The following SATL1 variants were observed in gnomAD, a reference collection of about 807,000 sequenced individuals.
SATL1 encodes the protein spermidine/spermine N(1)-acetyltransferase-like protein 1.
SATL1 carries 47 observed loss-of-function variants against 51.8 expected under a neutral mutation model. The ratio of observed to expected loss-of-function variants is 0.91; its 90% confidence interval spans 0.72 to 1.16. SATL1 has a LOEUF of 1.16. Among genes scored for constraint, SATL1 ranks in the 50% most tolerant of loss-of-function variants. SATL1 has a pLI of 0.00. For missense variants in SATL1, 520 were observed against 526.4 expected, an observed-to-expected ratio of 0.99 and a Z score of 0.12; for synonymous variants, 176 against 182.4, an observed-to-expected ratio of 0.97 and a Z score of 0.28.
intron 4 of SATL1, among the ~76,000 whole-genome samples, chrX:85,101,241 A>G (rs182926615): frequency 8.9e-6 from 1 of 112,473 alleles, no homozygotes; most frequent in East Asian, 2.8e-4. Flanking sequence ...GGCAATATCA[A>G]GAGTAAAAAG....
chrX:85,140,052 A>G (rs955691720), intron 2 of SATL1, among the ~76,000 whole-genome samples: 2 of 111,503 alleles, frequency 1.8e-5, no homozygotes, highest in African/African-American at 6.5e-5. Context: ...TTGAACTGAA[A>G]TCCAAACTAT....
At chrX:85,095,877 C>T (rs1924706728) in intron 4 of SATL1, among the ~76,000 whole-genome samples, 1 of 91,784 alleles carries the variant, frequency 1.1e-5, no homozygotes, top group Admixed American at 1.2e-4. Context: ...CCTGAGAACA[C>T]ATTAAGCTTT....
intron 2 of SATL1, among the ~76,000 whole-genome samples, chrX:85,172,508 C>T (rs1420221030): frequency 9.0e-6 from 1 of 110,658 alleles, no homozygotes; most frequent in South Asian, 3.8e-4. Context: ...GAATACTAGA[C>T]CAGAGGCAAA....
At chrX:85,178,563 T>G (rs2147738475) in intron 2 of SATL1, among the ~76,000 whole-genome samples, 1 of 107,795 alleles carries the variant, frequency 9.3e-6, no homozygotes, top group South Asian at 4.2e-4. Context: ...GTCAAAAGTT[T>G]TTGAAGGTCT....
chrX:85,151,223 C>A (rs965141367), intron 2 of SATL1, among the ~76,000 whole-genome samples: 5 of 110,063 alleles, frequency 4.5e-5, no homozygotes, highest in South Asian at 4.0e-4. Flanking sequence ...ACAATTGCTT[C>A]AAAGAGAATA....
chrX:85,109,624 C>A (rs1444314896), intron 2 of SATL1, among the ~76,000 whole-genome samples: 1 of 111,461 alleles, frequency 9.0e-6, no homozygotes, highest in Non-Finnish European at 1.9e-5. Context: ...AATTCAATTC[C>A]TATTTCCGTC....
At chrX:85,175,027 A>G (rs1359261431) in intron 2 of SATL1, among the ~76,000 whole-genome samples, 1 of 111,736 alleles carries the variant, frequency 8.9e-6, no homozygotes, top group Non-Finnish European at 1.9e-5. Flanking sequence ...ATAATTATCT[A>G]GTGTTGTGAC....
rs1161475320 is a variant in SATL1, at chrX:85,107,522, C to T, written c.1447G>A (p.Glu483Lys). The T allele has an allele frequency of 5.8e-6, 7 of 1,211,165 alleles. No homozygotes were observed. Among genetic ancestry groups the T allele is most frequent in the Admixed American group, 2.2e-5 (1 of 46,043 alleles). The stretch of plus-strand genomic sequence containing the variant: ...AGGCCTGGCTGACTCGGCCCCGGTT[C>T]CCATATGCCTGGTTGGCCCCTGCCT... ...HPGRGQPGIW[E>K]PGPSQPGLSQ... is the part of the protein sequence containing the mutation. The change falls in exon 3 of 8, where the codon GAA becomes AAA. Residue 483 changes from glutamate to lysine, a missense_variant. By Grantham distance (56) the Glu-to-Lys change is moderately conservative. This residue lies in a region of SATL1 where 488 missense variants were observed against 474.3 expected (regional missense o/e 1.03). Transcript: ENST00000644105.
At chrX:85,180,084 A>G (rs1927168715) in intron 2 of SATL1, among the ~76,000 whole-genome samples, 2 of 111,094 alleles carry the variant, frequency 1.8e-5, no homozygotes, top group South Asian at 7.5e-4. Flanking sequence ...ACAGATAAGA[A>G]ACTATAAAAC....
chrX:85,174,142 A>G (rs1482575394), intron 2 of SATL1, among the ~76,000 whole-genome samples: 2 of 109,685 alleles, frequency 1.8e-5, no homozygotes, highest in Non-Finnish European at 3.8e-5. Flanking sequence ...CATGGTGTAT[A>G]TGTGCCACAT....
At chrX:85,176,267 G>A (rs1445592205) in intron 2 of SATL1, among the ~76,000 whole-genome samples, 1 of 111,530 alleles carries the variant, frequency 9.0e-6, no homozygotes, top group Non-Finnish European at 1.9e-5. Context: ...ATATTCTATT[G>A]GCAAGACTGC....
intron 2 of SATL1, among the ~76,000 whole-genome samples, chrX:85,189,698 A>C (rs1569244331): frequency 8.9e-6 from 1 of 112,221 alleles, no homozygotes; most frequent in Non-Finnish European, 1.9e-5. Context: ...TATGAATACA[A>C]CTTGGCAAGA....
intron 1 of SATL1, among the ~76,000 whole-genome samples, chrX:85,242,326 A>C (rs1009253835): frequency 2.7e-5 from 3 of 112,438 alleles, no homozygotes; most frequent in African/African-American, 9.7e-5. Context: ...TCATAAAAAT[A>C]TCTTTCTTCT....
intron 1 of SATL1, among the ~76,000 whole-genome samples, chrX:85,237,274 A>C (rs147546517): frequency 6.2e-4 from 69 of 111,452 alleles, no homozygotes; most frequent in African/African-American, 1.9e-3. Flanking sequence ...AACTGGAGGA[A>C]TCACATTACC....
At chrX:85,171,588 C>T (rs1440565461) in intron 2 of SATL1, among the ~76,000 whole-genome samples, 2 of 111,497 alleles carry the variant, frequency 1.8e-5, no homozygotes, top group East Asian at 5.6e-4. Context: ...CTCTCACATT[C>T]AGGAACTTTG....
intron 2 of SATL1, among the ~76,000 whole-genome samples, chrX:85,134,745 G>A (rs1449813047): frequency 1.8e-5 from 2 of 111,602 alleles, no homozygotes; most frequent in African/African-American, 3.3e-5. Flanking sequence ...AAAGTCTGAA[G>A]ATAACAAAAT....
chrX:85,207,320 A>C (rs1328947096), intron 2 of SATL1: 1 of 111,249 alleles, frequency 9.0e-6, no homozygotes, highest in Non-Finnish European at 1.9e-5. Flanking sequence ...ATTAGGGAGG[A>C]GAATGAATAG....
chrX:85,155,125 TG>T (rs1345694933), intron 2 of SATL1, among the ~76,000 whole-genome samples: 2 of 111,603 alleles, frequency 1.8e-5, no homozygotes, highest in East Asian at 5.6e-4. Context: ...AAGCATCATG[TG>T]GTATACATGT....
At chrX:85,152,619 A>G (rs1033453528) in intron 2 of SATL1, among the ~76,000 whole-genome samples, 3 of 111,789 alleles carry the variant, frequency 2.7e-5, no homozygotes, top group Non-Finnish European at 3.8e-5. Flanking sequence ...CATATACACC[A>G]TGGAATACTA....
Sources: allele counts gnomAD v4.1 joint callset (sites outside exome capture counted in the v4.1 genomes callset), GRCh38; gene constraint gnomAD v4.1.1; regional missense constraint gnomAD v4.1.1; transcripts MANE v1.5; gene names NCBI Gene and HGNC (gene_info 2026-07-23, HGNC 2026-07-21).